XIRP2: variants seen among roughly 807,000 people sequenced by gnomAD.
XIRP2 encodes xin actin binding repeat containing 2, also known as xin actin-binding repeat-containing protein 2.
A neutral mutation model predicts 277.0 loss-of-function variants in XIRP2; 236 were observed. The observed-to-expected ratio is 0.85, with a 90% CI of 0.77 to 0.95. The LOEUF is 0.95. XIRP2 is among the 40% of genes least tolerant of loss of function. The probability of loss-of-function intolerance (pLI) is 0.00; values close to 1 mark genes in which losing one functional copy is unlikely to be tolerated. For missense variants in XIRP2, 4,640 were observed against 4,157.5 expected (o/e 1.12, Z -3.19); for synonymous variants, 1,490 against 1,416.5 (o/e 1.05, Z -1.17).
Position 167,258,122 on chromosome 2 carries a change from T to C in XIRP2, c.*305T>C, listed in dbSNP as rs751617797. The C allele has an allele frequency of 2.5e-6, 4 of 1,613,140 alleles. No homozygotes were observed. In the Admixed American group the frequency reaches 6.7e-5, roughly 27 times the overall value. Reference sequence around the variant, plus strand: ...TAACAGTGAAGGGCAAAGGAATGATTTGAGAAAATTAGGGGAAAGGGGAAA... The same window carrying C: ...TAACAGTGAAGGGCAAAGGAATGATCTGAGAAAATTAGGGGAAAGGGGAAA... On this transcript the variant is annotated 3_prime_UTR_variant, in exon 11 of 11. Transcript: ENST00000409195.
chr2:166,915,929 A>G (rs1235065671), intron 2 of XIRP2, among the ~76,000 whole-genome samples: 1 of 152,198 alleles, frequency 6.6e-6, no homozygotes. Context: ...AAGCACCATC[A>G]CCATATACAA....
At chr2:167,199,772 C>T (rs1693626885) in intron 3 of XIRP2, among the ~76,000 whole-genome samples, 1 of 152,102 alleles carries the variant, frequency 6.6e-6, no homozygotes, top group Admixed American at 6.6e-5. Flanking sequence ...GCTTAGACAA[C>T]CAGAAAGAAG....
In XIRP2 at chr2:167,062,140, A is replaced by G. The variant is rs143614192; in HGVS notation, c.409-73769A>G. Among the ~76,000 whole-genome samples the G allele has an allele frequency of 1.6e-3, 250 of 152,252 alleles. 3 individuals carry two copies. The highest frequency in any genetic ancestry group is 5.8e-3 in the African/African-American group (240 of 41,552). Reference sequence around the variant, plus strand: ...GATGGATTACTTGAATTGACTTTTAAACGTTAAGCCTGTGGTATGTCAATT... The same window carrying G: ...GATGGATTACTTGAATTGACTTTTAGACGTTAAGCCTGTGGTATGTCAATT... On this transcript the variant is annotated intron_variant, in intron 2 of 10. Coordinates refer to ENST00000409195, the MANE Select transcript of XIRP2 (RefSeq NM_152381.6).
At chr2:167,122,448 A>AT (rs763107970) in intron 2 of XIRP2, among the ~76,000 whole-genome samples, 3 of 152,184 alleles carry the variant, frequency 2.0e-5, no homozygotes, top group Non-Finnish European at 4.4e-5. Context: ...TTCTGCAGAG[A>AT]AATAACAGGC....
chr2:166,924,855 A>T (rs1685142873), intron 2 of XIRP2, among the ~76,000 whole-genome samples: 1 of 152,032 alleles, frequency 6.6e-6, no homozygotes, highest in South Asian at 2.1e-4. Context: ...TAAATTCAGA[A>T]ATTATTAAGG....
Position 167,258,415 on chromosome 2 carries a change from G to A in XIRP2, c.*598G>A, listed in dbSNP as rs770927113. ...TTATAGGAATCAAAGAAATGAAAAT[G>A]CCTGAAGGAAGAAAAGATGAAAAGA... On this transcript the variant is annotated 3_prime_UTR_variant, in exon 11 of 11. Coordinates refer to ENST00000409195, the MANE Select transcript of XIRP2 (RefSeq NM_152381.6). The A allele has an allele frequency of 1.9e-6, 3 of 1,613,316 alleles. No homozygotes were observed. Among genetic ancestry groups the A allele is most frequent in the South Asian group, 1.1e-5 (1 of 91,056 alleles).
intron 2 of XIRP2, among the ~76,000 whole-genome samples, chr2:167,083,212 A>AT (rs1558972909): frequency 6.6e-6 from 1 of 152,036 alleles, no homozygotes. Context: ...TCCTTTCCCC[A>AT]TTGCTTGCTT....
intron 2 of XIRP2, among the ~76,000 whole-genome samples, chr2:166,906,024 A>G (rs1455907293): frequency 6.6e-6 from 1 of 151,984 alleles, no homozygotes; most frequent in Non-Finnish European, 1.5e-5. Context: ...ATTTGCATAA[A>G]TCATCTAAAA....
chr2:167,056,209 G>T (rs1004287959), intron 2 of XIRP2, among the ~76,000 whole-genome samples: 5 of 152,110 alleles, frequency 3.3e-5, no homozygotes, highest in African/African-American at 1.2e-4. Flanking sequence ...TTATTTCTGG[G>T]CAGGGACTTA....
intron 2 of XIRP2, among the ~76,000 whole-genome samples, chr2:166,952,744 G>T (rs1686068122): frequency 6.6e-6 from 1 of 151,344 alleles, no homozygotes; most frequent in Non-Finnish European, 1.5e-5. Flanking sequence ...AGACTTCATT[G>T]GTTCTAAAAG....
At chr2:166,973,297 C>T (rs930076264) in intron 2 of XIRP2, among the ~76,000 whole-genome samples, 6 of 152,150 alleles carry the variant, frequency 3.9e-5, no homozygotes, top group Non-Finnish European at 8.8e-5. Context: ...TTGTCATTTA[C>T]ATCATTGCCT....
intron 2 of XIRP2, among the ~76,000 whole-genome samples, chr2:167,114,958 C>T (rs959048368): frequency 1.3e-5 from 2 of 151,914 alleles, no homozygotes; most frequent in African/African-American, 2.4e-5. Flanking sequence ...GGGTATATAC[C>T]CAGTAATGGG....
At chr2:167,145,987 T>C (rs1473307922) in intron 3 of XIRP2, among the ~76,000 whole-genome samples, 1 of 152,108 alleles carries the variant, frequency 6.6e-6, no homozygotes, top group Non-Finnish European at 1.5e-5. Context: ...ATTCAAAAGA[T>C]ATTGAGCTGG....
rs1695001757 is a variant in XIRP2 at position 167,239,854 on chromosome 2, G to A, written c.859-1G>A. 6.3e-7 allele frequency: 1 copy of A among 1,599,976 alleles called. No homozygotes were observed. The highest frequency in any genetic ancestry group is 8.5e-7 in the Non-Finnish European group (1 of 1,174,982). On this transcript the variant is annotated splice_acceptor_variant, in intron 5 of 10. Coordinates refer to ENST00000409195, the MANE Select transcript of XIRP2 (RefSeq NM_152381.6). LOFTEE classifies it high-confidence loss of function. ...TTGTCTGTCTGTCTGTGTGCTTTCA[G>A]GAGGCAATTCATAGCAGCCAGGTTG...
chr2:166,995,374 A>G (rs1687191602), intron 2 of XIRP2, among the ~76,000 whole-genome samples: 1 of 152,142 alleles, frequency 6.6e-6, no homozygotes, highest in Non-Finnish European at 1.5e-5. Flanking sequence ...GTGGTACTTT[A>G]CCACAAGTAC....
chr2:167,217,535 C>T (rs1694291722), intron 4 of XIRP2, among the ~76,000 whole-genome samples: 2 of 152,086 alleles, frequency 1.3e-5, no homozygotes, highest in Non-Finnish European at 1.5e-5. Context: ...AACGTAATAA[C>T]TGTCTTACTT....
At chr2:167,153,977 T>C (rs1041952973) in intron 3 of XIRP2, among the ~76,000 whole-genome samples, 1 of 151,244 alleles carries the variant, frequency 6.6e-6, no homozygotes, top group Non-Finnish European at 1.5e-5. Context: ...CCCTGAGGAA[T>C]CGCCACACTG....
rs1210232529 is a variant in XIRP2 at position 167,145,371 on chromosome 2, T to C, written c.562+9309T>C. ...TCATGAAAGAGTGCAATTAGCAGAA[T>C]TGAAAGAAAAGAGGAAGGGGAATTA... On this transcript the variant is annotated intron_variant, in intron 3 of 10. Transcript: ENST00000409195. Among the ~76,000 whole-genome samples the C allele has an allele frequency of 2.0e-5, 3 of 152,136 alleles. No individual in the cohort carries two copies. In the East Asian group the frequency reaches 5.8e-4, roughly 29 times the overall value.
chr2:166,958,338 A>G (rs919452951), intron 2 of XIRP2, among the ~76,000 whole-genome samples: 39 of 151,864 alleles, frequency 2.6e-4, no homozygotes, highest in African/African-American at 9.4e-4. Context: ...TAATAGAGAG[A>G]GAAGCTGAGG....
Sources: allele counts gnomAD v4.1 joint callset (sites outside exome capture counted in the v4.1 genomes callset), GRCh38; gene constraint gnomAD v4.1.1; transcripts MANE v1.5; gene names NCBI Gene and HGNC (gene_info 2026-07-23, HGNC 2026-07-21).